Variants in STXBP5L observed in about 807,000 individuals in gnomAD.
STXBP5L encodes the protein syntaxin binding protein 5L.
In STXBP5L, 65 loss-of-function variants were observed where a neutral mutation model predicts 144.5. That is an observed-to-expected ratio of 0.45 (90% CI 0.37 to 0.55). The LOEUF is 0.55. STXBP5L is among the 20% of genes least tolerant of loss of function. The pLI is 0.00. For missense variants in STXBP5L, 1,298 were observed against 1,405.5 expected, an observed-to-expected ratio of 0.92 and a Z score of 1.22; for synonymous variants, 505 against 469.6, an observed-to-expected ratio of 1.08 and a Z score of -0.97.
At chr3:121,105,104 GAT>G (rs2043631839) in intron 5 of STXBP5L, among the ~76,000 whole-genome samples, 1 of 152,066 alleles carries the variant, frequency 6.6e-6, no homozygotes, top group African/African-American at 2.4e-5. Flanking sequence ...GTTCTCAAAA[GAT>G]GTACAAGTGG....
chr3:120,976,660 CTG>C (rs1338094199), intron 3 of STXBP5L, among the ~76,000 whole-genome samples: 2 of 151,922 alleles, frequency 1.3e-5, no homozygotes, highest in Non-Finnish European at 2.9e-5. Context: ...TGGATCTTTC[CTG>C]CTTTCTCTTG....
intron 19 of STXBP5L, chr3:121,282,396 C>A: frequency 6.6e-7 from 1 of 1,524,104 alleles, no homozygotes; most frequent in South Asian, 1.1e-5. Flanking sequence ...TGAGTTAAAT[C>A]CATACATCAG....
intron 3 of STXBP5L, among the ~76,000 whole-genome samples, chr3:121,027,662 T>C (rs1946049699): frequency 6.6e-6 from 1 of 152,084 alleles, no homozygotes; most frequent in Non-Finnish European, 1.5e-5. Flanking sequence ...TTTTCACTTA[T>C]AAGGACTCTT....
At chr3:121,182,561 A>G (rs1181194482) in intron 9 of STXBP5L, among the ~76,000 whole-genome samples, 1 of 152,166 alleles carries the variant, frequency 6.6e-6, no homozygotes, top group Non-Finnish European at 1.5e-5. Flanking sequence ...TGCCTACATC[A>G]AAAAGTCTGA....
intron 9 of STXBP5L, among the ~76,000 whole-genome samples, chr3:121,179,490 G>A (rs937226797): frequency 6.6e-6 from 1 of 151,972 alleles, no homozygotes; most frequent in African/African-American, 2.4e-5. Flanking sequence ...AAATGAGAAG[G>A]AACCAAGAAG....
chr3:121,067,077 T>A (rs1386896388), intron 5 of STXBP5L, among the ~76,000 whole-genome samples: 1 of 152,046 alleles, frequency 6.6e-6, no homozygotes, highest in African/African-American at 2.4e-5. Flanking sequence ...TAAAAATAAG[T>A]CTTCTGGAGA....
At chr3:120,989,312 T>C (rs954957044) in intron 3 of STXBP5L, among the ~76,000 whole-genome samples, 26 of 152,228 alleles carry the variant, frequency 1.7e-4, no homozygotes, top group African/African-American at 6.0e-4. Flanking sequence ...GATTGACTTT[T>C]AAATAATAGC....
At position 121,121,706 on chromosome 3, in the gene STXBP5L, TG is replaced by T; in HGVS notation, c.669+3del. The stretch of plus-strand genomic sequence containing the variant: ...GATAGCCCAAGAGATGAAGGCAAAG[TG>T]AGTATTATGATATCTTTATTATTAG... On this transcript the variant is annotated splice_donor_region_variant and intron_variant, in intron 7 of 26. Coordinates refer to ENST00000471454, the MANE Select transcript of STXBP5L (RefSeq NM_001308330.2). The T allele has an allele frequency of 6.3e-7, 1 of 1,589,646 alleles. No individual in the cohort carries two copies. The highest frequency in any genetic ancestry group is 8.6e-7 in the Non-Finnish European group (1 of 1,160,718).
intron 5 of STXBP5L, among the ~76,000 whole-genome samples, chr3:121,109,942 G>T (rs1356570255): frequency 6.6e-6 from 1 of 152,178 alleles, no homozygotes; most frequent in African/African-American, 2.4e-5. Flanking sequence ...TTGTTGAATT[G>T]AACTTTTTAC....
chr3:121,239,023 A>G lies in STXBP5L; in HGVS notation c.1237A>G (p.Thr413Ala). The G allele has an allele frequency of 6.2e-7, 1 of 1,610,210 alleles. No homozygotes were observed. Among genetic ancestry groups the G allele is most frequent in the Non-Finnish European group, 8.5e-7 (1 of 1,178,218 alleles). Residue 413 changes from threonine (T) to alanine (A), a missense_variant, in exon 13 of 27, where the codon ACA becomes GCA. By Grantham distance (58) the Thr-to-Ala change is moderately conservative (BLOSUM62 0). Transcript: ENST00000471454. ...YPMDIHESPV[T>A]CTAYFADCPP... ...CATGGACATTCATGAATCACCAGTTACATGCACAGCATACTTTGCAGATTG... is the reference window on the plus strand; with the variant it reads ...CATGGACATTCATGAATCACCAGTTGCATGCACAGCATACTTTGCAGATTG...
chr3:121,393,396 G>C (rs1301888382), intron 22 of STXBP5L, among the ~76,000 whole-genome samples: 1 of 151,970 alleles, frequency 6.6e-6, no homozygotes, highest in Non-Finnish European at 1.5e-5. Context: ...TCACTCTGTT[G>C]TTTATTTCTT....
In STXBP5L at chr3:121,343,000, C is replaced by T. The variant is rs538493992; in HGVS notation, c.2176+24460C>T. On this transcript the variant is annotated intron_variant, in intron 20 of 26. Coordinates refer to ENST00000471454, the MANE Select transcript of STXBP5L (RefSeq NM_001308330.2). Reference sequence around the variant, plus strand: ...TGTTCCTATTTCTCCACATCCTCTCCAGCACCTGCTGTTTCCTGACTTTTT... The same window carrying T: ...TGTTCCTATTTCTCCACATCCTCTCTAGCACCTGCTGTTTCCTGACTTTTT... 4.5e-3 allele frequency among the ~76,000 whole-genome samples: 678 copies of T among 151,446 alleles called. 9 individuals are homozygous for T. The highest frequency in any genetic ancestry group is 0.015 in the African/African-American group (627 of 41,164).
At chr3:121,118,982 A>T (rs1269840669) in intron 6 of STXBP5L, among the ~76,000 whole-genome samples, 1 of 151,496 alleles carries the variant, frequency 6.6e-6, no homozygotes, top group Non-Finnish European at 1.5e-5. Context: ...TCTGAAGGTA[A>T]TGAGAGAGAT....
chr3:120,949,942 G>C (rs1024716839), intron 2 of STXBP5L, among the ~76,000 whole-genome samples: 2 of 151,828 alleles, frequency 1.3e-5, no homozygotes, highest in Non-Finnish European at 2.9e-5. Context: ...CAATATGTCT[G>C]TTTTTTGTTT....
At chr3:121,164,514 T>A (rs2046433766) in intron 9 of STXBP5L, among the ~76,000 whole-genome samples, 1 of 152,084 alleles carries the variant, frequency 6.6e-6, no homozygotes. Flanking sequence ...AGAACTAAGA[T>A]AGAAACCCAG....
chr3:121,222,890 T>G (rs980207864), intron 10 of STXBP5L, 113 bp from the exon 11 acceptor site: 29 of 1,196,850 alleles, frequency 2.4e-5, no homozygotes, highest in Non-Finnish European at 3.3e-5. Flanking sequence ...AGTTTTTTGC[T>G]GTCTGTCATG....
At chr3:121,000,853 C>T (rs1943715476) in intron 3 of STXBP5L, among the ~76,000 whole-genome samples, 1 of 152,114 alleles carries the variant, frequency 6.6e-6, no homozygotes, top group Non-Finnish European at 1.5e-5. Context: ...AGTTGACTGG[C>T]TTCATTTCTG....
chr3:121,297,633 A>G (rs967625066), intron 19 of STXBP5L, among the ~76,000 whole-genome samples: 3 of 152,166 alleles, frequency 2.0e-5, no homozygotes, highest in Non-Finnish European at 4.4e-5. Context: ...TCATGCCTGT[A>G]GTCTCAGCTA....
chr3:121,070,736 T>C (rs1002060700), intron 5 of STXBP5L, among the ~76,000 whole-genome samples: 2 of 151,926 alleles, frequency 1.3e-5, no homozygotes, highest in Non-Finnish European at 2.9e-5. Context: ...TTACAGGTGG[T>C]TTTAATATTA....
Sources: allele counts gnomAD v4.1 joint callset (sites outside exome capture counted in the v4.1 genomes callset), GRCh38; gene constraint gnomAD v4.1.1; transcripts MANE v1.5; gene names NCBI Gene and HGNC (gene_info 2026-07-23, HGNC 2026-07-21).